The following GALNT17 variants were observed in gnomAD, a reference collection of about 807,000 sequenced individuals.
GALNT17 encodes UDP-GalNAc:polypeptide N-acetylgalactosaminyltransferase-like 3.
In GALNT17, 29 loss-of-function variants were observed where a neutral mutation model predicts 63.7. That is an observed-to-expected ratio of 0.46 (90% CI 0.34 to 0.62). GALNT17 has a LOEUF of 0.62. GALNT17 is among the 20% of genes least tolerant of loss of function. GALNT17 has a pLI of 0.01. For missense variants in GALNT17, 603 were observed against 799.6 expected (o/e 0.75, Z 2.97); for synonymous variants, 305 against 318.3 (o/e 0.96, Z 0.45).
intron 5 of GALNT17, among the ~76,000 whole-genome samples, chr7:71,423,977 A>G (rs1786712718): frequency 6.6e-6 from 1 of 152,192 alleles, no homozygotes. Flanking sequence ...TTCTGCTGAC[A>G]CCAAAAGCTG....
At position 71,258,955 on chromosome 7, in the gene GALNT17, G is replaced by A. The variant is rs571210992; in HGVS notation, c.239-76595G>A. Among the ~76,000 whole-genome samples the A allele has an allele frequency of 2.4e-4, 36 of 152,304 alleles. No individual in the cohort carries two copies. The East Asian group carries it at 3.7e-3, about 16-fold the overall frequency. ...AAAGCATGGCTTGAAAGCCTACAGG[G>A]TGGGGCATAGTGTATTTCTGATGCT... is the stretch of plus-strand genomic sequence containing the variant. On this transcript the variant is annotated intron_variant, in intron 1 of 10. Coordinates refer to ENST00000333538, the MANE Select transcript of GALNT17 (RefSeq NM_022479.3).
rs1790600099 is a variant in GALNT17 at position 71,641,348 on chromosome 7, A to G, written c.1081-24063A>G. Among the ~76,000 whole-genome samples, 5 of 152,218 alleles carry G rather than the reference A, an allele frequency of 3.3e-5. No homozygotes were observed. The South Asian group carries it at 8.3e-4, about 25-fold the overall frequency. On this transcript the variant is annotated intron_variant, in intron 6 of 10. Coordinates refer to ENST00000333538, the MANE Select transcript of GALNT17 (RefSeq NM_022479.3). ...TTCATTTCCTCATCTGTAACTCGGG[A>G]ATTATAGAAGGACCTACCTAATGGG... is the stretch of plus-strand genomic sequence containing the variant.
At chr7:71,189,228 T>A (rs147472859) in intron 1 of GALNT17, among the ~76,000 whole-genome samples, 1 of 152,316 alleles carries the variant, frequency 6.6e-6, no homozygotes, top group Non-Finnish European at 1.5e-5. Flanking sequence ...TGGTTCTCAT[T>A]CTTTCTTGCC....
At chr7:71,630,647 G>A (rs1224596361) in intron 6 of GALNT17, among the ~76,000 whole-genome samples, 1 of 152,164 alleles carries the variant, frequency 6.6e-6, no homozygotes, top group Non-Finnish European at 1.5e-5. Context: ...CAGAGAGGCA[G>A]CTGGTGTAAT....
At chr7:71,564,674 A>G (rs541580967) in intron 5 of GALNT17, among the ~76,000 whole-genome samples, 2 of 152,084 alleles carry the variant, frequency 1.3e-5, no homozygotes, top group Non-Finnish European at 2.9e-5. Flanking sequence ...CCTCCTGCCC[A>G]TTCATCTGTG....
intron 8 of GALNT17, among the ~76,000 whole-genome samples, chr7:71,674,344 C>CTT (rs34467330): frequency 5.7e-4 from 65 of 113,950 alleles, no homozygotes; most frequent in African/African-American, 2.4e-3. Context: ...ATAGCTCTTC[C>CTT]TTTTTAAAAA....
At chr7:71,429,963 T>G (rs568637592) in intron 5 of GALNT17, among the ~76,000 whole-genome samples, 41 of 152,254 alleles carry the variant, frequency 2.7e-4, no homozygotes, top group African/African-American at 9.6e-4. Flanking sequence ...CGCCTCAGCC[T>G]TCCAGAGTGC....
chr7:71,699,269 A>G (rs1041494543), intron 9 of GALNT17, among the ~76,000 whole-genome samples: 2 of 151,614 alleles, frequency 1.3e-5, no homozygotes, highest in Non-Finnish European at 2.9e-5. Context: ...CACGAGGTCA[A>G]GATATCGATA....
intron 9 of GALNT17, among the ~76,000 whole-genome samples, chr7:71,684,813 A>G (rs917574096): frequency 6.6e-6 from 1 of 151,862 alleles, no homozygotes; most frequent in African/African-American, 2.4e-5. Context: ...CTGGTTATGA[A>G]CCACCACACC....
At chr7:71,184,577 G>A (rs756964624) in intron 1 of GALNT17, among the ~76,000 whole-genome samples, 27 of 152,290 alleles carry the variant, frequency 1.8e-4, no homozygotes, top group Middle Eastern at 3.4e-3. Context: ...AAACTGCCCC[G>A]CTGACTGAAA....
rs554995173 is a variant in GALNT17 at position 71,270,862 on chromosome 7, G to C, written c.239-64688G>C. On this transcript the variant is annotated intron_variant, in intron 1 of 10. Transcript: ENST00000333538. The stretch of plus-strand genomic sequence containing the variant: ...GCAGGAAAAAAAAATAAAAAAGAAA[G>C]AAAAGTAATTTAAGTAATTTAAATT... Among the ~76,000 whole-genome samples, 10 of 149,344 alleles carry C rather than the reference G, an allele frequency of 6.7e-5. No homozygotes were observed. In the East Asian group the frequency reaches 2.0e-3, roughly 29 times the overall value.
Position 71,628,456 on chromosome 7 carries a change from G to A in GALNT17, c.1081-36955G>A, listed in dbSNP as rs145843604. The stretch of plus-strand genomic sequence containing the variant: ...TCCTGCCCCAGCCTCCCGAGTAACT[G>A]GGATTACAGGCGTGTACCACCACGC... On this transcript the variant is annotated intron_variant, in intron 6 of 10. Coordinates refer to ENST00000333538, the MANE Select transcript of GALNT17 (RefSeq NM_022479.3). Among the ~76,000 whole-genome samples, 460 of 152,110 alleles carry A rather than the reference G, an allele frequency of 3.0e-3. 5 individuals are homozygous for A. The highest frequency in any genetic ancestry group is 0.011 in the African/African-American group (449 of 41,532).
intron 1 of GALNT17, among the ~76,000 whole-genome samples, chr7:71,276,067 C>T (rs992715835): frequency 1.3e-5 from 2 of 152,182 alleles, no homozygotes; most frequent in Non-Finnish European, 1.5e-5. Flanking sequence ...CCTGGTCTTC[C>T]TTGTCCATCA....
intron 1 of GALNT17, among the ~76,000 whole-genome samples, chr7:71,254,804 C>T (rs187798480): frequency 1.3e-5 from 2 of 152,322 alleles, no homozygotes; most frequent in East Asian, 1.9e-4. Flanking sequence ...TGCTCCAAGT[C>T]ACCCAGCAAG....
chr7:71,259,652 T>TTTTG (rs1790350700), intron 1 of GALNT17, among the ~76,000 whole-genome samples: 1 of 148,962 alleles, frequency 6.7e-6, no homozygotes, highest in African/African-American at 2.5e-5. Flanking sequence ...TTTTGTTTTT[T>TTTTG]TTTTTTTGAG....
intron 1 of GALNT17, among the ~76,000 whole-genome samples, chr7:71,250,454 GT>G (rs1342248496): frequency 2.0e-5 from 3 of 151,190 alleles, no homozygotes; most frequent in Non-Finnish European, 1.5e-5. Context: ...AAATATCTGT[GT>G]TTTTACGATT....
intron 1 of GALNT17, among the ~76,000 whole-genome samples, chr7:71,283,262 A>G (rs1790810640): frequency 6.6e-6 from 1 of 151,870 alleles, no homozygotes; most frequent in African/African-American, 2.4e-5. Context: ...GTTCTTTTCA[A>G]ACTCCTAGGC....
intron 6 of GALNT17, among the ~76,000 whole-genome samples, chr7:71,655,028 G>A (rs1044335884): frequency 2.0e-5 from 3 of 152,200 alleles, no homozygotes; most frequent in Middle Eastern, 3.4e-3. Flanking sequence ...GACCTCAGGT[G>A]ATCCGCCCAC....
At chr7:71,515,315 C>T (rs771290873) in intron 5 of GALNT17, among the ~76,000 whole-genome samples, 16 of 152,150 alleles carry the variant, frequency 1.1e-4, no homozygotes, top group Non-Finnish European at 1.6e-4. Context: ...CTGGACTGTG[C>T]GTCTGCCAGG....
Sources: allele counts gnomAD v4.1 joint callset (sites outside exome capture counted in the v4.1 genomes callset), GRCh38; gene constraint gnomAD v4.1.1; transcripts MANE v1.5; gene names NCBI Gene and HGNC (gene_info 2026-07-23, HGNC 2026-07-21).